Variants in DCC observed in about 807,000 individuals in gnomAD.
DCC encodes DCC netrin 1 receptor, also known as netrin receptor DCC.
A neutral mutation model predicts 172.5 loss-of-function variants in DCC; 58 were observed. The ratio of observed to expected loss-of-function variants is 0.34; its 90% CI spans 0.27 to 0.42. The LOEUF is 0.42. Ranked by LOEUF, DCC falls within the 10% of genes least tolerant of loss-of-function variation. The pLI, the probability that DCC is intolerant of heterozygous loss-of-function variation, is 1.00. For missense variants in DCC, 1,740 were observed against 1,791.0 expected, an observed-to-expected ratio of 0.97 and a Z score of 0.51; for synonymous variants, 709 against 644.5, an observed-to-expected ratio of 1.10 and a Z score of -1.52.
intron 1 of DCC, among the ~76,000 whole-genome samples, chr18:52,499,060 T>C (rs886880804): frequency 6.6e-6 from 1 of 152,186 alleles, no homozygotes; most frequent in Non-Finnish European, 1.5e-5. Context: ...TGTCCCATTG[T>C]CACTGTTAAC....
chr18:53,089,958 T>A (rs1446697359), intron 7 of DCC, among the ~76,000 whole-genome samples: 1 of 152,204 alleles, frequency 6.6e-6, no homozygotes, highest in Non-Finnish European at 1.5e-5. Context: ...TTATACCAAT[T>A]TCCAGTACAA....
chr18:53,088,288 G>T lies in DCC; in HGVS notation c.1261+22122G>T, dbSNP rs555297936. 1.3e-3 allele frequency among the ~76,000 whole-genome samples: 198 copies of T among 152,264 alleles called. 1 individual carries two copies. Among genetic ancestry groups the T allele is most frequent in the African/African-American group, 4.1e-3 (169 of 41,544 alleles). ...TCCTCTTTGATTTTGTTGAGCAGTG[G>T]TTTGTAGTTCTCCTTGAAGAGGTCC... is the stretch of plus-strand genomic sequence containing the variant. On this transcript the variant is annotated intron_variant, in intron 7 of 28. Transcript: ENST00000442544.
At chr18:53,497,121 C>A (rs931871900) in intron 26 of DCC, among the ~76,000 whole-genome samples, 12 of 151,976 alleles carry the variant, frequency 7.9e-5, no homozygotes, top group African/African-American at 2.9e-4. Context: ...ATTTATAGAC[C>A]CTTTAATGAA....
chr18:53,131,423 G>A (rs563766684), intron 7 of DCC, among the ~76,000 whole-genome samples: 1 of 152,154 alleles, frequency 6.6e-6, no homozygotes, highest in Admixed American at 6.5e-5. Flanking sequence ...AGTTGTTACC[G>A]ACAAAGATAA....
intron 5 of DCC, among the ~76,000 whole-genome samples, chr18:53,036,531 A>G (rs1362653766): frequency 2.0e-5 from 3 of 152,056 alleles, no homozygotes; most frequent in African/African-American, 4.8e-5. Context: ...TCCTTCTGCT[A>G]CTTCACTGTA....
intron 12 of DCC, among the ~76,000 whole-genome samples, chr18:53,267,110 T>TCACACA (rs140978906): frequency 1.8e-4 from 25 of 137,430 alleles, no homozygotes; most frequent in African/African-American, 6.6e-4. Context: ...ACTCTCTCTC[T>TCACACA]CACACACACA....
intron 1 of DCC, among the ~76,000 whole-genome samples, chr18:52,663,562 CTAG>C (rs2035404201): frequency 6.6e-6 from 1 of 152,078 alleles, no homozygotes; most frequent in African/African-American, 2.4e-5. Context: ...AATATTCACC[CTAG>C]CTAAAACAAA....
In DCC at chr18:52,432,788, T is replaced by C. The variant is rs1476030049; in HGVS notation, c.91+91910T>C. Among the ~76,000 whole-genome samples the C allele has an allele frequency of 2.0e-5, 3 of 152,128 alleles. No homozygotes were observed. In the East Asian group the frequency reaches 5.8e-4, roughly 30 times the overall value. On this transcript the variant is annotated intron_variant, in intron 1 of 28. Transcript: ENST00000442544. The stretch of plus-strand genomic sequence containing the variant: ...CATAGCCTAAACTGAGTACTACGAG[T>C]GGATTTATCTTGAAGCCTGCAGTGT...
Position 53,303,169 on chromosome 18 carries a change from T to C in DCC, c.1912-2409T>C, listed in dbSNP as rs183253297. 1.2e-3 allele frequency among the ~76,000 whole-genome samples: 188 copies of C among 152,338 alleles called. 1 individual carries two copies. The South Asian group carries it at 0.014, about 12-fold the overall frequency. On this transcript the variant is annotated intron_variant, in intron 12 of 28. Coordinates refer to ENST00000442544, the MANE Select transcript of DCC (RefSeq NM_005215.4). The stretch of plus-strand genomic sequence containing the variant: ...TTTTCTCTCCCATTTCATGTGATAA[T>C]TTATTCCCACTGAATTTTGAGAGAT...
chr18:53,313,021 G>A (rs75718021), intron 13 of DCC, among the ~76,000 whole-genome samples: 6 of 71,460 alleles, frequency 8.4e-5, no homozygotes, highest in Admixed American at 3.4e-4. Flanking sequence ...AGGAAGAAAG[G>A]AAGGGAAGAA....
At chr18:52,427,841 T>C (rs1439659321) in intron 1 of DCC, among the ~76,000 whole-genome samples, 1 of 72,142 alleles carries the variant, frequency 1.4e-5, no homozygotes, top group Non-Finnish European at 3.3e-5. Flanking sequence ...CCTTTCTTCC[T>C]TCCTTCCTTC....
chr18:52,903,102 A>G (rs2039833356), intron 2 of DCC, among the ~76,000 whole-genome samples: 1 of 152,212 alleles, frequency 6.6e-6, no homozygotes, highest in South Asian at 2.1e-4. Flanking sequence ...TATCAGTTTG[A>G]ATTACTATTT....
chr18:52,872,509 A>G (rs2039337082), intron 2 of DCC, among the ~76,000 whole-genome samples: 1 of 152,342 alleles, frequency 6.6e-6, no homozygotes, highest in East Asian at 1.9e-4. Flanking sequence ...CCCTCTGAAC[A>G]GCCGTCTCAA....
intron 5 of DCC, among the ~76,000 whole-genome samples, chr18:52,949,310 A>G (rs2040598226): frequency 6.6e-6 from 1 of 152,224 alleles, no homozygotes; most frequent in Admixed American, 6.5e-5. Context: ...CCAGCCGGAA[A>G]GCAAATACAC....
chr18:52,829,981 A>G (rs1471515922), intron 2 of DCC, among the ~76,000 whole-genome samples: 1 of 152,112 alleles, frequency 6.6e-6, no homozygotes, highest in Admixed American at 6.5e-5. Flanking sequence ...GAAGATCTGC[A>G]GGAAGTAAAG....
chr18:53,520,594 C>G (rs773543921), intron 27 of DCC, among the ~76,000 whole-genome samples: 1 of 151,996 alleles, frequency 6.6e-6, no homozygotes, highest in African/African-American at 2.4e-5. Context: ...GGAAAAAGCA[C>G]TGCTTGGTGA....
chr18:52,415,073 T>C (rs1194866010), intron 1 of DCC, among the ~76,000 whole-genome samples: 1 of 152,232 alleles, frequency 6.6e-6, no homozygotes, highest in Non-Finnish European at 1.5e-5. Context: ...TTTGTATGAC[T>C]TTGCCAGAAT....
chr18:53,187,356 T>C (rs1316358702), intron 9 of DCC, among the ~76,000 whole-genome samples: 1 of 152,038 alleles, frequency 6.6e-6, no homozygotes, highest in Non-Finnish European at 1.5e-5. Flanking sequence ...ACTCCTGACC[T>C]CATTATCTGT....
chr18:52,522,562 A>C (rs2031854784), intron 1 of DCC, among the ~76,000 whole-genome samples: 1 of 152,208 alleles, frequency 6.6e-6, no homozygotes, highest in South Asian at 2.1e-4. Context: ...TTATTTACTT[A>C]TATCAAAAGT....
Sources: gnomAD v4.1 joint callset for allele counts (sites outside exome capture counted in the v4.1 genomes callset) on GRCh38, gnomAD v4.1.1 for gene constraint, MANE v1.5 for transcripts, NCBI Gene and HGNC (gene_info 2026-07-23, HGNC 2026-07-21) for gene names.